CLVS1: variants seen among roughly 807,000 people sequenced by gnomAD.
CLVS1 encodes clavesin 1.
Under a neutral mutation model 33.1 loss-of-function variants are expected in CLVS1, and 10 were observed. That is an observed-to-expected ratio of 0.30 (90% CI 0.19 to 0.51). CLVS1 has a LOEUF of 0.51. Ranked by LOEUF, CLVS1 falls within the 20% of genes least tolerant of loss-of-function variation. The pLI, the probability that CLVS1 is intolerant of heterozygous loss-of-function variation, is 0.97. For missense variants in CLVS1, 343 were observed against 433.4 expected, an observed-to-expected ratio of 0.79 and a Z score of 1.85; for synonymous variants, 163 against 166.1, an observed-to-expected ratio of 0.98 and a Z score of 0.14.
intron 2 of CLVS1, among the ~76,000 whole-genome samples, chr8:61,349,349 A>G (rs894346862): frequency 2.0e-5 from 3 of 152,060 alleles, no homozygotes; most frequent in Non-Finnish European, 4.4e-5. Flanking sequence ...AAAAATAATA[A>G]TTTTTCAAAA....
intron 2 of CLVS1, among the ~76,000 whole-genome samples, chr8:61,237,209 G>A (rs1426073871): frequency 1.3e-5 from 2 of 152,172 alleles, no homozygotes; most frequent in Admixed American, 6.5e-5. Flanking sequence ...GCTGGCCAAG[G>A]TAGCAAGCTA....
intron 2 of CLVS1, among the ~76,000 whole-genome samples, chr8:61,141,307 A>T (rs1021103358): frequency 8.6e-5 from 13 of 151,996 alleles, no homozygotes; most frequent in Non-Finnish European, 1.3e-4. Flanking sequence ...AATGGAGCCT[A>T]CCTTATAACC....
At chr8:60,966,217 G>A in the CLVS1 span, 2 of 360,998 alleles carry the variant, frequency 5.5e-6, no homozygotes, top group Admixed American at 3.5e-5. Context: ...CTGAACAAGT[G>A]GTACCCTAAC....
chr8:61,251,898 T>C (rs1043959974), intron 2 of CLVS1, among the ~76,000 whole-genome samples: 2 of 152,108 alleles, frequency 1.3e-5, no homozygotes, highest in Non-Finnish European at 2.9e-5. Flanking sequence ...AAGGGTTTTT[T>C]TGTGTGTCTC....
intron 2 of CLVS1, among the ~76,000 whole-genome samples, chr8:61,133,148 G>A (rs1405054670): frequency 1.3e-5 from 2 of 152,198 alleles, no homozygotes; most frequent in Non-Finnish European, 2.9e-5. Flanking sequence ...GACACCAGGG[G>A]ACATTACCCT....
At chr8:61,352,322 C>T (rs566750390) in intron 2 of CLVS1, among the ~76,000 whole-genome samples, 17 of 151,728 alleles carry the variant, frequency 1.1e-4, no homozygotes, top group Middle Eastern at 3.4e-3. Flanking sequence ...GTTTAAGTAA[C>T]TCAAAGGAAA....
chr8:61,409,621 T>C (rs1177347249), intron 3 of CLVS1, among the ~76,000 whole-genome samples: 1 of 152,234 alleles, frequency 6.6e-6, no homozygotes, highest in Non-Finnish European at 1.5e-5. Context: ...TGTTTGTTCA[T>C]AACATCATTT....
rs1804499105 is a variant in CLVS1, at chr8:61,499,743, T to TC, written c.*201_*202insC. ...CAAAGACTTGAGAGATGCTTTTTTTTTCCCCCAGTGAGGGGACTGGAGGAT... is the reference window on the plus strand; with the variant it reads ...CAAAGACTTGAGAGATGCTTTTTTTTCTCCCCCAGTGAGGGGACTGGAGGAT... On this transcript the variant is annotated 3_prime_UTR_variant, in exon 6 of 6. Coordinates refer to ENST00000325897, the MANE Select transcript of CLVS1 (RefSeq NM_173519.3). The TC allele has an allele frequency of 5.0e-6, 2 of 399,868 alleles. No homozygotes were observed. The highest frequency in any genetic ancestry group is 2.0e-5 in the African/African-American group (1 of 50,334). 24.8% of individuals were successfully genotyped at this position (399,868 alleles called of 1,614,324 possible).
At chr8:61,177,072 C>T (rs1339275570) in intron 2 of CLVS1, among the ~76,000 whole-genome samples, 3 of 129,962 alleles carry the variant, frequency 2.3e-5, no homozygotes, top group Non-Finnish European at 3.2e-5. Context: ...CCCGGAGTGG[C>T]GAGGGGGCGG....
At chr8:61,272,842 C>T (rs1039766393) in intron 2 of CLVS1, among the ~76,000 whole-genome samples, 179 of 152,274 alleles carry the variant, frequency 1.2e-3, no homozygotes, top group Non-Finnish European at 1.1e-3. Context: ...TTTTCAGCTC[C>T]GTCAGCTCCT....
chr8:61,026,460 C>T, the CLVS1 span, among the ~76,000 whole-genome samples: 1 of 152,194 alleles, frequency 6.6e-6, no homozygotes. Context: ...TTAATTCAGT[C>T]ATCCATATAT....
the CLVS1 span, among the ~76,000 whole-genome samples, chr8:61,024,290 C>T: frequency 2.6e-5 from 4 of 152,092 alleles, no homozygotes; most frequent in South Asian, 2.1e-4. Flanking sequence ...TTTCCATTTA[C>T]GCTTAATTTG....
intron 1 of CLVS1, among the ~76,000 whole-genome samples, chr8:61,110,439 C>G: frequency 6.6e-6 from 1 of 152,088 alleles, no homozygotes; most frequent in Admixed American, 6.5e-5. Flanking sequence ...TCTAAGGCAG[C>G]AATCCATGAA....
At chr8:61,261,224 T>A (rs1289410404) in intron 2 of CLVS1, among the ~76,000 whole-genome samples, 1 of 152,216 alleles carries the variant, frequency 6.6e-6, no homozygotes, top group Non-Finnish European at 1.5e-5. Flanking sequence ...CCCATCCCTT[T>A]ACCTTGCTGT....
rs1280423495 is a variant in CLVS1, at chr8:61,451,928, T to A, written c.631-2213T>A. Among the ~76,000 whole-genome samples, 9 of 152,160 alleles carry A rather than the reference T, an allele frequency of 5.9e-5. No homozygotes were observed. The East Asian group carries it at 1.7e-3, about 29-fold the overall frequency. ...CCTTTATCAGACAGAAGGCCTTTCA[T>A]GTGACTTGTATAGGAAGTACCTGAA... On this transcript the variant is annotated intron_variant, in intron 3 of 5. Coordinates refer to ENST00000325897, the MANE Select transcript of CLVS1 (RefSeq NM_173519.3).
chr8:61,289,109 C>T (rs946609453), intron 1 of CLVS1, among the ~76,000 whole-genome samples: 1 of 152,202 alleles, frequency 6.6e-6, no homozygotes, highest in African/African-American at 2.4e-5. Context: ...GATATTCAGA[C>T]CAGATGGCCT....
chr8:61,261,271 A>G (rs1181541480), intron 2 of CLVS1, among the ~76,000 whole-genome samples: 3 of 152,222 alleles, frequency 2.0e-5, no homozygotes, highest in African/African-American at 7.2e-5. Context: ...GAGTGTCTTC[A>G]TGTGAAAGCA....
intron 2 of CLVS1, among the ~76,000 whole-genome samples, chr8:61,348,039 T>G (rs1354218721): frequency 6.6e-6 from 1 of 151,888 alleles, no homozygotes; most frequent in African/African-American, 2.4e-5. Flanking sequence ...AGTCAGCATG[T>G]TGTATAATAG....
chr8:61,385,635 T>C (rs2129602233), intron 3 of CLVS1, among the ~76,000 whole-genome samples: 1 of 152,386 alleles, frequency 6.6e-6, no homozygotes, highest in East Asian at 1.9e-4. Flanking sequence ...GAGTTGAAGT[T>C]GAAACAATGT....
Sources: allele counts gnomAD v4.1 joint callset (sites outside exome capture counted in the v4.1 genomes callset), GRCh38; gene constraint gnomAD v4.1.1; transcripts MANE v1.5; gene names NCBI Gene and HGNC (gene_info 2026-07-23, HGNC 2026-07-21).